The following YTHDC2 variants were observed in gnomAD, a reference collection of about 807,000 sequenced individuals.
The protein encoded by YTHDC2 is YTH N6-methyladenosine RNA binding protein C2, also known as 3'-5' RNA helicase YTHDC2.
In YTHDC2, 45 loss-of-function variants were observed where a neutral mutation model predicts 174.9. That is an observed-to-expected ratio of 0.26 (90% CI 0.20 to 0.33). The LOEUF (loss-of-function observed/expected upper bound fraction) is 0.33. Ranked by LOEUF, YTHDC2 falls within the 10% of genes least tolerant of loss-of-function variation. The pLI is 1.00. For synonymous variants in YTHDC2, 657 were observed against 574.5 expected, an observed-to-expected ratio of 1.14 and a Z score of -2.05; for missense variants, 1,650 against 1,723.7, an observed-to-expected ratio of 0.96 and a Z score of 0.76.
At chr5:113,540,519 T>G (rs1032832139) in intron 8 of YTHDC2, among the ~76,000 whole-genome samples, 4 of 152,156 alleles carry the variant, frequency 2.6e-5, no homozygotes, top group African/African-American at 7.2e-5. Context: ...AACTTAGTCA[T>G]GATGGAAGGC....
At chr5:113,515,424 C>T (rs1035408) in intron 2 of YTHDC2, 62 bp downstream of exon 2, 720,651 of 1,355,108 alleles carry the variant, frequency 0.53, 199,962 homozygotes, top group African/African-American at 0.91. Flanking sequence ...AAGGGAGAAA[C>T]GTTTCTGAGT....
At chr5:113,530,937 A>C (rs973602461) in intron 4 of YTHDC2, among the ~76,000 whole-genome samples, 1 of 152,114 alleles carries the variant, frequency 6.6e-6, no homozygotes, top group Non-Finnish European at 1.5e-5. Flanking sequence ...TCATTTTTGA[A>C]GGATAGTTTT....
chr5:113,514,272 C>G (rs970343215), intron 1 of YTHDC2, 190 bp downstream of exon 1: 1 of 734,718 alleles, frequency 1.4e-6, no homozygotes, highest in African/African-American at 1.7e-5. Context: ...CGGTGGAATG[C>G]GAGGTGCTCT....
At chr5:113,514,136 G>C in intron 1 of YTHDC2, 54 bp downstream of exon 1, 1 of 1,563,748 alleles carries the variant, frequency 6.4e-7, no homozygotes, top group South Asian at 1.2e-5. Context: ...CCTCACCCCA[G>C]CGCCCCCCAA....
chr5:113,519,779 T>C (rs1773736564), intron 2 of YTHDC2, among the ~76,000 whole-genome samples: 4 of 152,220 alleles, frequency 2.6e-5, no homozygotes, highest in Non-Finnish European at 5.9e-5. Context: ...AACAATGGTT[T>C]TTTAAAAAAT....
chr5:113,535,890 A>G, intron 7 of YTHDC2, 92 bp downstream of exon 7: 1 of 1,076,238 alleles, frequency 9.3e-7, no homozygotes, highest in South Asian at 1.8e-5. Flanking sequence ...AATGTTCTGA[A>G]GTAGAGGCCA....
chr5:113,542,960 TATTTC>T (rs1775591640), intron 10 of YTHDC2, among the ~76,000 whole-genome samples: 1 of 152,222 alleles, frequency 6.6e-6, no homozygotes, highest in African/African-American at 2.4e-5. Flanking sequence ...ATTTTCTTCA[TATTTC>T]CCTGGCTCTA....
At position 113,571,359 on chromosome 5, in the gene YTHDC2, G is replaced by A. The variant is rs114875668; in HGVS notation, c.3244+3510G>A. Among the ~76,000 whole-genome samples the A allele has an allele frequency of 2.9e-3, 441 of 152,316 alleles. 3 individuals are homozygous for A. Among genetic ancestry groups the A allele is most frequent in the African/African-American group, 9.9e-3 (411 of 41,578 alleles). On this transcript the variant is annotated intron_variant, in intron 23 of 29. Coordinates refer to ENST00000161863, the MANE Select transcript of YTHDC2 (RefSeq NM_022828.5). ...GATTGTGGTGGACAAGCATTTAGAT[G>A]TGCTGCTGTATTTGGTTTGCCCATA...
intron 28 of YTHDC2, 82 bp from the exon 29 acceptor site, chr5:113,593,221 A>G: frequency 6.4e-6 from 6 of 930,662 alleles, no homozygotes; most frequent in East Asian, 2.5e-5. Flanking sequence ...ATTTTCTTAC[A>G]TTTTTATCAG....
intron 24 of YTHDC2, chr5:113,580,039 C>T: frequency 1.8e-6 from 1 of 563,418 alleles, no homozygotes; most frequent in Non-Finnish European, 2.2e-6. Flanking sequence ...GGCTGCTGGA[C>T]CCTGCCTCCT....
intron 4 of YTHDC2, among the ~76,000 whole-genome samples, chr5:113,531,720 C>T (rs1288980821): frequency 6.6e-6 from 1 of 151,784 alleles, no homozygotes; most frequent in Non-Finnish European, 1.5e-5. Context: ...ATCCTAGGGG[C>T]CAGCACATGT....
At chr5:113,537,642 A>G (rs1460827396) in intron 7 of YTHDC2, among the ~76,000 whole-genome samples, 4 of 149,166 alleles carry the variant, frequency 2.7e-5, no homozygotes, top group African/African-American at 9.9e-5. Context: ...GGTATTGGAG[A>G]TGCATAGTTT....
chr5:113,532,966 G>A lies in YTHDC2; in HGVS notation c.763G>A (p.Ala255Thr), dbSNP rs112491410. 8.1e-6 allele frequency: 13 copies of A among 1,614,128 alleles called. No individual in the cohort carries two copies. Among genetic ancestry groups the A allele is most frequent in the South Asian group, 4.4e-5 (4 of 91,088 alleles). Reference sequence around the variant, plus strand: ...TCAACCAAGACGATTGGCAGCTATCGCTGTGGCTGAAAGAGTTGCCGCAGA... The same window carrying A: ...TCAACCAAGACGATTGGCAGCTATCACTGTGGCTGAAAGAGTTGCCGCAGA... Reference protein sequence around the residue: ...CTQPRRLAAIAVAERVAAERR... With the variant: ...CTQPRRLAAITVAERVAAERR... Residue 255 changes from alanine to threonine, a missense_variant, in exon 5 of 30, where the codon GCT becomes ACT. Physicochemically the swap from Ala to Thr is moderately conservative, Grantham distance 58 (BLOSUM62 0). Transcript: ENST00000161863.
Position 113,593,410 on chromosome 5 carries a change from G to T in YTHDC2, c.*7+20G>T. 1 of 1,560,484 alleles carries T rather than the reference G, an allele frequency of 6.4e-7. No homozygotes were observed. The highest frequency in any genetic ancestry group is 1.1e-5 in the South Asian group (1 of 89,222). ...ACTCAGGTTATACCATCTTGACTTT[G>T]AGTATTGGCAGTATTTGTGATCATT... On this transcript the variant is annotated intron_variant, in intron 29 of 29. Transcript: ENST00000161863.
chr5:113,523,239 AG>A (rs1404926760), intron 2 of YTHDC2, among the ~76,000 whole-genome samples: 1 of 152,190 alleles, frequency 6.6e-6, no homozygotes, highest in Non-Finnish European at 1.5e-5. Context: ...AGCATCTTTG[AG>A]TTCTTAAAAA....
intron 4 of YTHDC2, among the ~76,000 whole-genome samples, chr5:113,528,610 GCAA>G: frequency 1.4e-5 from 1 of 73,548 alleles, no homozygotes; most frequent in Admixed American, 1.8e-4. Flanking sequence ...CTGAGCTCCA[GCAA>G]TTCTCCTCCC....
chr5:113,578,096 T>A (rs1778175812), intron 23 of YTHDC2, among the ~76,000 whole-genome samples: 1 of 152,212 alleles, frequency 6.6e-6, no homozygotes, highest in South Asian at 2.1e-4. Flanking sequence ...AAGGTTCAAA[T>A]TCTAAAGTTA....
Position 113,539,151 on chromosome 5 carries a change from A to G in YTHDC2, c.1180A>G (p.Met394Val), listed in dbSNP as rs1362144803. 8.6e-6 allele frequency: 12 copies of G among 1,395,562 alleles called. No homozygotes were observed. In the East Asian group the frequency reaches 2.8e-4, roughly 32 times the overall value. 86.4% of individuals were successfully genotyped at this position (1,395,562 alleles called of 1,614,324 possible). A position where few individuals can be genotyped will look rare whatever the true frequency, so the allele number is the denominator to read the frequency against. Residue 394 changes from methionine (M) to valine (V), a missense_variant, in exon 8 of 30, where the codon ATG (methionine) becomes GTG (valine). Physicochemically the swap from Met to Val is conservative, Grantham distance 21. Coordinates refer to ENST00000161863, the MANE Select transcript of YTHDC2 (RefSeq NM_022828.5). ...LRTTGYTNKE[M>V]LKYKKEKQQE... is the part of the protein sequence containing the mutation. ...AACAACTGGATATACAAACAAAGAAATGTTAAAATATAAAAAGGAAAAACA... is the reference window on the plus strand; with the variant it reads ...AACAACTGGATATACAAACAAAGAAGTGTTAAAATATAAAAAGGAAAAACA...
intron 23 of YTHDC2, among the ~76,000 whole-genome samples, chr5:113,571,329 A>G (rs1432106098): frequency 6.6e-6 from 1 of 152,196 alleles, no homozygotes; most frequent in Non-Finnish European, 1.5e-5. Flanking sequence ...GGATGAAGCC[A>G]ACTTGATTGT....
Sources: allele counts gnomAD v4.1 joint callset (sites outside exome capture counted in the v4.1 genomes callset), GRCh38; gene constraint gnomAD v4.1.1; transcripts MANE v1.5; gene names NCBI Gene and HGNC (gene_info 2026-07-23, HGNC 2026-07-21).